THADA: variants seen among roughly 807,000 people sequenced by gnomAD.
The protein encoded by THADA is tRNA (32-2'-O)-methyltransferase regulator THADA.
Under a neutral mutation model 219.8 loss-of-function variants are expected in THADA, and 213 were observed. The observed-to-expected ratio is 0.97, with a 90% confidence interval of 0.87 to 1.09. THADA has a LOEUF of 1.09. Among genes scored for constraint, THADA ranks in the 50% least tolerant of loss-of-function variants. The probability of loss-of-function intolerance (pLI) is 0.00; values close to 1 mark genes in which losing one functional copy is unlikely to be tolerated. For missense variants in THADA, 2,956 were observed against 2,311.3 expected, an observed-to-expected ratio of 1.28 and a Z score of -5.72; for synonymous variants, 1,018 against 828.9, an observed-to-expected ratio of 1.23 and a Z score of -3.92.
chr2:43,250,250 G>A (rs929131658), intron 36 of THADA, among the ~76,000 whole-genome samples: 1 of 152,176 alleles, frequency 6.6e-6, no homozygotes, highest in African/African-American at 2.4e-5. Context: ...GCTGATTCAC[G>A]CTACAGCATG....
chr2:43,491,819 T>TA lies in THADA; in HGVS notation c.3745-6495dup, dbSNP rs144840141. Among the ~76,000 whole-genome samples the TA allele has an allele frequency of 4.9e-3, 749 of 152,286 alleles. 9 individuals are homozygous for TA. Among genetic ancestry groups the TA allele is most frequent in the African/African-American group, 0.017 (704 of 41,554 alleles). The stretch of plus-strand genomic sequence containing the variant: ...AGTAATGCATGACTTTAATCCCAGC[T>TA]AAAATCTATCCTTCTCACGAGGGAA... On this transcript the variant is annotated intron_variant, in intron 25 of 37. Transcript: ENST00000405975.
rs776221904 is a variant in THADA, at chr2:43,572,779, T to C, written c.1908+35A>G. ...GAACTGCTACATGAAAGGGATCTAC[T>C]GCATGTACAAATCCAGGTAATTTTC... On this transcript the variant is annotated intron_variant, in intron 12 of 37. Coordinates refer to ENST00000405975, the MANE Select transcript of THADA (RefSeq NM_022065.5). 5 of 1,597,612 alleles carry C rather than the reference T, an allele frequency of 3.1e-6. No individual in the cohort carries two copies. The Admixed American group carries it at 5.1e-5, about 16-fold the overall frequency.
intron 29 of THADA, among the ~76,000 whole-genome samples, chr2:43,389,749 C>G (rs1446759269): frequency 6.6e-6 from 1 of 152,218 alleles, no homozygotes; most frequent in African/African-American, 2.4e-5. Context: ...GCCTCAAAAA[C>G]AGAAAGCTAG....
At chr2:43,484,165 C>A (rs1034840051) in intron 26 of THADA, 1 of 155,470 alleles carries the variant, frequency 6.4e-6, no homozygotes, top group Non-Finnish European at 1.5e-5. Context: ...CAGCCAGTTA[C>A]CTTCCTTTTA....
intron 26 of THADA, chr2:43,430,680 C>G (rs960461306): frequency 2.2e-6 from 1 of 456,300 alleles, no homozygotes; most frequent in Non-Finnish European, 4.4e-6. Context: ...AAGGACAGGT[C>G]TAGAACAAGC....
intron 29 of THADA, among the ~76,000 whole-genome samples, chr2:43,346,866 G>C (rs890251426): frequency 1.3e-5 from 2 of 152,130 alleles, no homozygotes; most frequent in African/African-American, 4.8e-5. Context: ...TTGTATGCTT[G>C]ACCTCCCCCT....
chr2:43,435,857 T>G (rs990262780), intron 26 of THADA, among the ~76,000 whole-genome samples: 1 of 151,742 alleles, frequency 6.6e-6, no homozygotes, highest in Non-Finnish European at 1.5e-5. Flanking sequence ...TTTTGAAAAT[T>G]TGGGATTCTG....
chr2:43,494,507 A>G (rs1688029917), intron 25 of THADA, among the ~76,000 whole-genome samples: 1 of 152,172 alleles, frequency 6.6e-6, no homozygotes, highest in Non-Finnish European at 1.5e-5. Context: ...AATAGCACAC[A>G]TTCTGGAGTT....
intron 31 of THADA, among the ~76,000 whole-genome samples, chr2:43,309,982 T>C (rs185516971): frequency 6.6e-6 from 1 of 152,068 alleles, no homozygotes; most frequent in South Asian, 2.1e-4. Flanking sequence ...TCAAAAAGAA[T>C]AGGAACAAAT....
chr2:43,330,946 GC>G (rs1164380534), intron 30 of THADA, among the ~76,000 whole-genome samples: 1 of 152,160 alleles, frequency 6.6e-6, no homozygotes, highest in African/African-American at 2.4e-5. Context: ...GAAGTCGCCT[GC>G]CCCCGTGTCT....
chr2:43,469,669 C>T (rs900089167), intron 26 of THADA, among the ~76,000 whole-genome samples: 1 of 151,834 alleles, frequency 6.6e-6, no homozygotes, highest in African/African-American at 2.4e-5. Flanking sequence ...TTTATCCCCT[C>T]AAAAAATCCA....
chr2:43,375,240 A>T (rs868692614), intron 29 of THADA, among the ~76,000 whole-genome samples: 1 of 152,216 alleles, frequency 6.6e-6, no homozygotes, highest in Non-Finnish European at 1.5e-5. Flanking sequence ...CCTAGCAAGT[A>T]TCTAGAAAAT....
chr2:43,529,308 G>GTT (rs978959639), intron 21 of THADA, among the ~76,000 whole-genome samples: 23 of 152,240 alleles, frequency 1.5e-4, no homozygotes, highest in African/African-American at 5.1e-4. Flanking sequence ...AGCTAGGACT[G>GTT]TAAGTGTATG....
chr2:43,426,669 G>A (rs1051407615), intron 28 of THADA, among the ~76,000 whole-genome samples: 3 of 152,262 alleles, frequency 2.0e-5, no homozygotes, highest in South Asian at 4.1e-4. Flanking sequence ...CTCTGCAAGC[G>A]CATGCCAGAA....
At chr2:43,240,282 T>A (rs1404087430) in intron 36 of THADA, among the ~76,000 whole-genome samples, 1 of 152,180 alleles carries the variant, frequency 6.6e-6, no homozygotes. Flanking sequence ...AAAGGCAGCG[T>A]CTGACGGAGT....
rs189889073 is a variant in THADA, at chr2:43,327,458, G to C, written c.4344-6918C>G. Among the ~76,000 whole-genome samples the C allele has an allele frequency of 1.7e-3, 233 of 139,264 alleles. 1 individual carries two copies. Among genetic ancestry groups the C allele is most frequent in the African/African-American group, 5.8e-3 (224 of 38,822 alleles). The allele number at this position is 139,264 out of a possible 152,430, so 91.4% of individuals were successfully genotyped here. On this transcript the variant is annotated intron_variant, in intron 30 of 37. Coordinates refer to ENST00000405975, the MANE Select transcript of THADA (RefSeq NM_022065.5). ...AGGGAGAGAAGGCAGGTGAGAAGGG[G>C]AGTGGGGGGAGAAGTAAAGAGGGGG...
At chr2:43,554,636 A>T (rs1348212212) in intron 17 of THADA, among the ~76,000 whole-genome samples, 2 of 152,220 alleles carry the variant, frequency 1.3e-5, no homozygotes, top group South Asian at 2.1e-4. Context: ...ATAAATTTTT[A>T]AAATCTGACA....
rs150266487 is a variant in THADA at position 43,421,098 on chromosome 2, C to A, written c.4058+7002G>T. Among the ~76,000 whole-genome samples, 543 of 152,230 alleles carry A rather than the reference C, an allele frequency of 3.6e-3. 2 individuals carry two copies. Among genetic ancestry groups the A allele is most frequent in the Non-Finnish European group, 5.5e-3 (374 of 68,014 alleles). On this transcript the variant is annotated intron_variant, in intron 28 of 37. Transcript: ENST00000405975. ...TATGTATCTGTAATATACAAATACC[C>A]CATGGAAGATAACACTGGGGGCATT... is the stretch of plus-strand genomic sequence containing the variant.
intron 22 of THADA, among the ~76,000 whole-genome samples, chr2:43,515,710 A>C (rs1408903968): frequency 6.6e-6 from 1 of 152,004 alleles, no homozygotes; most frequent in Non-Finnish European, 1.5e-5. Context: ...GAAGGAAAAC[A>C]ACTGTCCACC....
Sources: allele counts gnomAD v4.1 joint callset (sites outside exome capture counted in the v4.1 genomes callset), GRCh38; gene constraint gnomAD v4.1.1; transcripts MANE v1.5; gene names NCBI Gene and HGNC (gene_info 2026-07-23, HGNC 2026-07-21).